The following FAM178B variants were observed in gnomAD, a reference collection of about 807,000 sequenced individuals.
The protein encoded by FAM178B is protein FAM178B.
Under a neutral mutation model 91.7 loss-of-function variants are expected in FAM178B, and 82 were observed. The ratio of observed to expected loss-of-function variants is 0.89; its 90% CI spans 0.75 to 1.07. The LOEUF (loss-of-function observed/expected upper bound fraction) is 1.07. Ranked by LOEUF, FAM178B falls within the 50% of genes least tolerant of loss-of-function variation. The probability of loss-of-function intolerance (pLI) is 0.00; values close to 1 mark genes in which losing one functional copy is unlikely to be tolerated. For missense variants in FAM178B, 769 were observed against 846.7 expected, an observed-to-expected ratio of 0.91 and a Z score of 1.14; for synonymous variants, 368 against 359.4, an observed-to-expected ratio of 1.02 and a Z score of -0.27.
rs913807329 is a variant in FAM178B, at chr2:96,972,091, G to C, written c.374C>G (p.Ala125Gly). 3 of 1,530,354 alleles carry C rather than the reference G, an allele frequency of 2.0e-6. No homozygotes were observed. The African/African-American group carries it at 4.1e-5, about 21-fold the overall frequency. 94.8% of individuals were successfully genotyped at this position (1,530,354 alleles called of 1,614,324 possible). The change falls in exon 3 of 17, where the codon GCC becomes GGC. Residue 125 changes from alanine to glycine, a missense_variant. By Grantham distance (60) the Ala-to-Gly change is moderately conservative. Transcript: ENST00000490605. ...VEFLNPRVLQ[A>G]SREAPAQRWV... is the part of the protein sequence containing the mutation. ...CCTCTGGGCCGGGGCCTCCCGACTG[G>C]CCTGCAGCACCCTCGGGTTGAGGAA...
rs957988905 is a variant in FAM178B, at chr2:96,929,283, T to G, written c.1116A>C (p.Glu372Asp). 1.6e-5 allele frequency: 25 copies of G among 1,551,528 alleles called. No homozygotes were observed. The Admixed American group carries it at 4.5e-4, about 28-fold the overall frequency. Residue 372 changes from glutamate to aspartate, a missense_variant, in exon 9 of 17, where the codon GAA (glutamate) becomes GAC (aspartate). Coordinates refer to ENST00000490605, the MANE Select transcript of FAM178B (RefSeq NM_001122646.3). Reference sequence around the variant, plus strand: ...CCAGGCTGTGGAATGCCTCCCTGACTTCTTGCAGTGAGGGGCACCACAGGT... The same window carrying G: ...CCAGGCTGTGGAATGCCTCCCTGACGTCTTGCAGTGAGGGGCACCACAGGT... The part of the protein sequence containing the change: ...DKHLWCPSLQ[E>D]VREAFHSLGA...
intron 12 of FAM178B, among the ~76,000 whole-genome samples, chr2:96,915,602 G>A (rs1401976620): frequency 6.6e-6 from 1 of 151,536 alleles, no homozygotes; most frequent in Non-Finnish European, 1.5e-5. Context: ...CAGATCACAA[G>A]GTCAGGAGTT....
At chr2:96,962,580 C>A (rs2082096991) in intron 5 of FAM178B, among the ~76,000 whole-genome samples, 1 of 152,116 alleles carries the variant, frequency 6.6e-6, no homozygotes, top group Non-Finnish European at 1.5e-5. Context: ...TATTAAGAGT[C>A]CTGAGGCGAC....
At position 96,972,087 on chromosome 2, in the gene FAM178B, A is replaced by G. The variant is rs1300392181; in HGVS notation, c.378T>C (p.Ser126=). 5 of 1,532,188 alleles carry G rather than the reference A, an allele frequency of 3.3e-6. No homozygotes were observed. Among genetic ancestry groups the G allele is most frequent in the Non-Finnish European group, 4.4e-6 (5 of 1,138,096 alleles). The allele number at this position is 1,532,188 out of a possible 1,614,324, so 94.9% of individuals were successfully genotyped here. Residue 126 remains serine (S), a synonymous_variant, in exon 3 of 17, where the codon AGT becomes AGC. Transcript: ENST00000490605. ...CCCACCTCTGGGCCGGGGCCTCCCG[A>G]CTGGCCTGCAGCACCCTCGGGTTGA... ...EFLNPRVLQA[S]REAPAQRWVG...
intron 14 of FAM178B, among the ~76,000 whole-genome samples, chr2:96,882,690 C>T (rs536507701): frequency 1.3e-5 from 2 of 152,178 alleles, no homozygotes; most frequent in Non-Finnish European, 2.9e-5. Flanking sequence ...AGAGGGAGGC[C>T]CTTCCAGGTC....
intron 14 of FAM178B, among the ~76,000 whole-genome samples, chr2:96,884,200 C>T (rs1485165858): frequency 3.3e-5 from 5 of 152,124 alleles, no homozygotes; most frequent in African/African-American, 1.2e-4. Flanking sequence ...ATGGAAGCTG[C>T]GGCATGGGGA....
intron 12 of FAM178B, among the ~76,000 whole-genome samples, chr2:96,916,000 T>C (rs1231382938): frequency 1.3e-5 from 2 of 152,144 alleles, no homozygotes; most frequent in Non-Finnish European, 2.9e-5. Context: ...TCCTGTGACA[T>C]CATTTTTAGG....
intron 13 of FAM178B, among the ~76,000 whole-genome samples, chr2:96,900,164 G>T (rs1330367910): frequency 6.6e-6 from 1 of 152,100 alleles, no homozygotes; most frequent in Non-Finnish European, 1.5e-5. Flanking sequence ...TCTGCGCTGG[G>T]CCTGTCCGTC....
intron 13 of FAM178B, among the ~76,000 whole-genome samples, chr2:96,894,473 CCCA>C (rs1351509883): frequency 1.5e-5 from 2 of 131,802 alleles, no homozygotes; most frequent in Non-Finnish European, 3.3e-5. Flanking sequence ...CTCCACAGAC[CCCA>C]CATCCACACC....
At chr2:96,952,253 C>A (rs995296651) in intron 6 of FAM178B, among the ~76,000 whole-genome samples, 8 of 152,166 alleles carry the variant, frequency 5.3e-5, no homozygotes, top group Non-Finnish European at 8.8e-5. Context: ...TTTTCAGATA[C>A]AAAGGGGACA....
At chr2:96,940,247 G>A (rs190672933) in intron 8 of FAM178B, among the ~76,000 whole-genome samples, 1 of 152,278 alleles carries the variant, frequency 6.6e-6, no homozygotes, top group Admixed American at 6.5e-5. Context: ...GAACGGTATG[G>A]GGTCCAGGGC....
intron 1 of FAM178B, among the ~76,000 whole-genome samples, chr2:96,977,530 G>A (rs2082307477): frequency 6.8e-6 from 1 of 147,786 alleles, no homozygotes; most frequent in Non-Finnish European, 1.5e-5. Context: ...AGGGATCTCA[G>A]ATGAGTCTGG....
intron 6 of FAM178B, among the ~76,000 whole-genome samples, chr2:96,958,948 C>A (rs1371188467): frequency 6.6e-6 from 1 of 151,684 alleles, no homozygotes; most frequent in Non-Finnish European, 1.5e-5. Context: ...TGCCTGTAAT[C>A]CCAGCACTTT....
intron 14 of FAM178B, among the ~76,000 whole-genome samples, chr2:96,879,438 G>A (rs2080325886): frequency 6.6e-6 from 1 of 152,328 alleles, no homozygotes; most frequent in East Asian, 1.9e-4. Flanking sequence ...CCCTCCCAGG[G>A]CGCCAGGCAG....
chr2:96,902,967 T>C (rs538132504), intron 12 of FAM178B, among the ~76,000 whole-genome samples: 1 of 152,252 alleles, frequency 6.6e-6, no homozygotes, highest in Non-Finnish European at 1.5e-5. Context: ...TGGGCTTTTC[T>C]TAGTTTTTTA....
intron 5 of FAM178B, among the ~76,000 whole-genome samples, chr2:96,967,228 T>C (rs2082153875): frequency 2.0e-5 from 1 of 49,548 alleles, no homozygotes; most frequent in Non-Finnish European, 6.3e-5. Flanking sequence ...TGTGTAGTTA[T>C]TTTCCCGAGA....
chr2:96,878,012 C>T lies in FAM178B; in HGVS notation c.1885G>A (p.Asp629Asn). The change falls in exon 16 of 17, where the codon GAC becomes AAC. Residue 629 changes from aspartate to asparagine, a missense_variant. Physicochemically the swap from Asp to Asn is conservative, Grantham distance 23. Transcript: ENST00000490605. ...CGGATCTGCGTGCTGATGTGGCGGT[C>T]CAACTGCATGCACAGCAGCTGCAGC... ...GELQLLCMQL[D>N]RHISTQIRES... 1 of 1,612,070 alleles carries T rather than the reference C, an allele frequency of 6.2e-7. No individual in the cohort carries two copies.
At chr2:96,885,164 G>A (rs985378304) in intron 14 of FAM178B, among the ~76,000 whole-genome samples, 3 of 152,278 alleles carry the variant, frequency 2.0e-5, no homozygotes, top group Admixed American at 2.0e-4. Flanking sequence ...GTTAATGGGA[G>A]ACAGGCTGGC....
In FAM178B at chr2:96,960,384, C is replaced by T; in HGVS notation, c.791G>A (p.Gly264Asp). Residue 264 changes from glycine (G) to aspartate (D), a missense_variant, in exon 6 of 17, where the codon GGT (glycine) becomes GAT (aspartate). Transcript: ENST00000490605. Reference sequence around the variant, plus strand: ...ACACCTGGGCAGAAACACAGTCTCACCTGGATGGACCGGCGGGATGGTCTG... The same window carrying T: ...ACACCTGGGCAGAAACACAGTCTCATCTGGATGGACCGGCGGGATGGTCTG... The part of the protein sequence containing the change: ...SLQTIPPVHP[G>D]ETVFLPRCHP... The T allele has an allele frequency of 6.4e-7, 1 of 1,551,884 alleles. No homozygotes were observed. The highest frequency in any genetic ancestry group is 1.2e-5 in the South Asian group (1 of 84,060).
Sources: allele counts gnomAD v4.1 joint callset (sites outside exome capture counted in the v4.1 genomes callset), GRCh38; gene constraint gnomAD v4.1.1; transcripts MANE v1.5; gene names NCBI Gene and HGNC (gene_info 2026-07-23, HGNC 2026-07-21).